GOT1: variants seen among roughly 807,000 people sequenced by gnomAD.
The protein encoded by GOT1 is glutamic-oxaloacetic transaminase 1, also known as aspartate aminotransferase, cytoplasmic.
GOT1 carries 25 observed loss-of-function variants against 48.2 expected under a neutral mutation model. That is an observed-to-expected ratio of 0.52 (90% confidence interval 0.38 to 0.72). GOT1 has a LOEUF of 0.72. Among genes scored for constraint, GOT1 ranks in the 30% least tolerant of loss-of-function variants. The pLI is 0.00. For missense variants in GOT1, 380 were observed against 520.1 expected (o/e 0.73, Z 2.62); for synonymous variants, 188 against 193.8 (o/e 0.97, Z 0.25).
At chr10:99,418,061 A>AAATATAT (rs1554947821) in intron 2 of GOT1, among the ~76,000 whole-genome samples, 7 of 149,088 alleles carry the variant, frequency 4.7e-5, no homozygotes, top group African/African-American at 1.7e-4. Context: ...TAAAAAAAAA[A>AAATATAT]ATATATATAT....
chr10:99,423,862 C>T (rs1218444658), intron 1 of GOT1, among the ~76,000 whole-genome samples: 1 of 151,820 alleles, frequency 6.6e-6, no homozygotes. Context: ...CACTTTGTTG[C>T]CCAGGCTGGT....
chr10:99,409,173 C>T lies in GOT1; in HGVS notation c.301-2324G>A, dbSNP rs563575094. On this transcript the variant is annotated intron_variant, in intron 2 of 8. Transcript: ENST00000370508. ...TTTGAGACAGAGTCTCGCTCTGTTG[C>T]CCAGGCTGGAGTGCAGTGGCACGAT... 2.0e-5 allele frequency among the ~76,000 whole-genome samples: 3 copies of T among 151,878 alleles called. No homozygotes were observed. In the South Asian group the frequency reaches 6.2e-4, roughly 32 times the overall value.
intron 1 of GOT1, among the ~76,000 whole-genome samples, chr10:99,425,906 G>A (rs1328573312): frequency 6.6e-6 from 1 of 152,172 alleles, no homozygotes; most frequent in Non-Finnish European, 1.5e-5. Flanking sequence ...TGAGGGCAGA[G>A]AAATAACAAC....
intron 2 of GOT1, among the ~76,000 whole-genome samples, chr10:99,417,834 T>C (rs1371341195): frequency 6.6e-6 from 1 of 151,994 alleles, no homozygotes; most frequent in African/African-American, 2.4e-5. Context: ...TTCTCACTCA[T>C]AGGTGGGAAT....
chr10:99,403,268 C>T (rs1053348606), intron 7 of GOT1, among the ~76,000 whole-genome samples: 12 of 152,142 alleles, frequency 7.9e-5, no homozygotes, highest in Non-Finnish European at 1.3e-4. Flanking sequence ...CGAGTGCCCC[C>T]TCCTGTCTTC....
intron 8 of GOT1, among the ~76,000 whole-genome samples, chr10:99,400,255 A>G (rs1472999949): frequency 6.6e-6 from 1 of 152,256 alleles, no homozygotes; most frequent in Non-Finnish European, 1.5e-5. Context: ...GACAGAAAAA[A>G]GATAACAAAG....
At chr10:99,411,695 G>C (rs964133042) in intron 2 of GOT1, among the ~76,000 whole-genome samples, 1 of 152,206 alleles carries the variant, frequency 6.6e-6, no homozygotes, top group Non-Finnish European at 1.5e-5. Flanking sequence ...GAAACTGAAT[G>C]CAAGGGCAGG....
chr10:99,417,219 A>C, intron 2 of GOT1, among the ~76,000 whole-genome samples: 1 of 152,214 alleles, frequency 6.6e-6, no homozygotes, highest in Non-Finnish European at 1.5e-5. Flanking sequence ...CAAAGAACTC[A>C]AACAAATTTA....
intron 8 of GOT1, among the ~76,000 whole-genome samples, chr10:99,398,456 G>A (rs761503987): frequency 2.6e-5 from 4 of 152,254 alleles, no homozygotes; most frequent in Non-Finnish European, 5.9e-5. Flanking sequence ...GATTACCTGA[G>A]GTCAGAAGTT....
chr10:99,414,489 T>C (rs1164072926), intron 2 of GOT1, among the ~76,000 whole-genome samples: 2 of 152,064 alleles, frequency 1.3e-5, no homozygotes, highest in African/African-American at 4.8e-5. Context: ...ACAATAATAA[T>C]AGGAGACTTT....
At chr10:99,405,688 A>G (rs570628747) in intron 5 of GOT1, 68 bp downstream of exon 5, 3 of 795,960 alleles carry the variant, frequency 3.8e-6, no homozygotes, top group Middle Eastern at 2.8e-4. Context: ...GCAAACAGGT[A>G]TTGCTTCTAC....
intron 1 of GOT1, chr10:99,430,239 G>A: frequency 7.0e-7 from 1 of 1,437,848 alleles, no homozygotes; most frequent in Non-Finnish European, 9.4e-7. Flanking sequence ...GTGCGGCCTC[G>A]GACACATCGC....
chr10:99,430,338 T>C, intron 1 of GOT1, 110 bp downstream of exon 1: 2 of 1,605,632 alleles, frequency 1.2e-6, no homozygotes, highest in South Asian at 2.2e-5. Flanking sequence ...GGCGCCGCCC[T>C]CTTCAGGCAG....
chr10:99,422,196 C>T lies in GOT1; in HGVS notation c.119-1391G>A, dbSNP rs1480563040. Among the ~76,000 whole-genome samples, 4 of 152,154 alleles carry T rather than the reference C, an allele frequency of 2.6e-5. No homozygotes were observed. In the East Asian group the frequency reaches 7.7e-4, roughly 29 times the overall value. The stretch of plus-strand genomic sequence containing the variant: ...TTTTTTAAAAGTGTATAGCACCTCC[C>T]GCTTTGCTCTCTCTCCTGCTGGGCC... On this transcript the variant is annotated intron_variant, in intron 1 of 8. Coordinates refer to ENST00000370508, the MANE Select transcript of GOT1 (RefSeq NM_002079.3).
chr10:99,412,975 C>T (rs1488044778), intron 2 of GOT1, among the ~76,000 whole-genome samples: 2 of 152,230 alleles, frequency 1.3e-5, no homozygotes, highest in East Asian at 3.9e-4. Flanking sequence ...GTAGATAAAA[C>T]CACAAAGATG....
intron 1 of GOT1, among the ~76,000 whole-genome samples, chr10:99,421,651 G>A (rs1000510853): frequency 6.6e-6 from 1 of 152,088 alleles, no homozygotes; most frequent in Non-Finnish European, 1.5e-5. Flanking sequence ...CTATGATTAT[G>A]TTAGGATTAG....
chr10:99,429,653 TA>T (rs1476347733), intron 1 of GOT1, among the ~76,000 whole-genome samples: 1 of 152,058 alleles, frequency 6.6e-6, no homozygotes, highest in Non-Finnish European at 1.5e-5. Context: ...GGGTTAGGGG[TA>T]AAAAATTTGA....
chr10:99,413,204 C>T (rs535494814), intron 2 of GOT1, among the ~76,000 whole-genome samples: 4 of 152,208 alleles, frequency 2.6e-5, no homozygotes, highest in East Asian at 3.9e-4. Flanking sequence ...AAAGATTAGA[C>T]GAATGGCTAA....
At chr10:99,405,954 C>T (rs2032749758) in intron 4 of GOT1, 94 bp from the exon 5 acceptor site, 1 of 820,590 alleles carries the variant, frequency 1.2e-6, no homozygotes, top group African/African-American at 1.7e-5. Context: ...GGGCAAAGGG[C>T]AACCATATTC....
Sources: allele counts gnomAD v4.1 joint callset (sites outside exome capture counted in the v4.1 genomes callset), GRCh38; gene constraint gnomAD v4.1.1; transcripts MANE v1.5; gene names NCBI Gene and HGNC (gene_info 2026-07-23, HGNC 2026-07-21).